The following NBAS variants were observed in gnomAD, a reference collection of about 807,000 sequenced individuals.
NBAS encodes the protein NBAS subunit of NRZ tethering complex, also known as NAG/BC035112 fusion.
Under a neutral mutation model 302.5 loss-of-function variants are expected in NBAS, and 219 were observed. The ratio of observed to expected loss-of-function variants is 0.72; its 90% CI spans 0.65 to 0.81. NBAS has a LOEUF of 0.81. Ranked by LOEUF, NBAS falls within the 30% of genes least tolerant of loss-of-function variation. The pLI is 0.00. For missense variants in NBAS, 2,932 were observed against 2,841.6 expected, an observed-to-expected ratio of 1.03 and a Z score of -0.72; for synonymous variants, 1,118 against 1,021.6, an observed-to-expected ratio of 1.09 and a Z score of -1.80.
intron 30 of NBAS, among the ~76,000 whole-genome samples, chr2:15,376,205 A>T (rs1674728173): frequency 6.6e-6 from 1 of 152,204 alleles, no homozygotes; most frequent in Non-Finnish European, 1.5e-5. Context: ...TATTTCCTGC[A>T]TTCAATATAA....
chr2:15,384,668 C>T (rs1381765112), intron 28 of NBAS, among the ~76,000 whole-genome samples: 1 of 151,948 alleles, frequency 6.6e-6, no homozygotes, highest in Non-Finnish European at 1.5e-5. Flanking sequence ...TACTGTAATT[C>T]TCTCTGCCTC....
chr2:15,283,461 G>C (rs1669910132), intron 42 of NBAS, among the ~76,000 whole-genome samples: 1 of 152,110 alleles, frequency 6.6e-6, no homozygotes, highest in East Asian at 1.9e-4. Flanking sequence ...CATGAGATCT[G>C]ATGGTTGTAT....
chr2:14,947,913 T>C, the NBAS span, among the ~76,000 whole-genome samples: 1 of 151,896 alleles, frequency 6.6e-6, no homozygotes, highest in South Asian at 2.1e-4. Flanking sequence ...TAATGTGATG[T>C]ATCATTATTA....
intron 40 of NBAS, among the ~76,000 whole-genome samples, chr2:15,306,421 G>A (rs1671037813): frequency 6.6e-6 from 1 of 152,168 alleles, no homozygotes; most frequent in South Asian, 2.1e-4. Context: ...ACACCCAATA[G>A]TGATGGTGTC....
chr2:15,258,787 A>G (rs1286615188), intron 44 of NBAS, among the ~76,000 whole-genome samples: 1 of 152,140 alleles, frequency 6.6e-6, no homozygotes, highest in East Asian at 1.9e-4. Context: ...TGTGATCTTT[A>G]TTGGCCTCAG....
intron 9 of NBAS, among the ~76,000 whole-genome samples, chr2:15,513,133 T>C (rs1483380421): frequency 6.6e-6 from 1 of 152,178 alleles, no homozygotes; most frequent in African/African-American, 2.4e-5. Context: ...ATAAAGTAAT[T>C]CAAATGCACT....
the NBAS span, among the ~76,000 whole-genome samples, chr2:14,849,088 C>A: frequency 4.0e-5 from 6 of 149,572 alleles, no homozygotes; most frequent in Admixed American, 6.7e-5. Flanking sequence ...ATGATTTTGA[C>A]GAGCTGAGAG....
intron 12 of NBAS, among the ~76,000 whole-genome samples, chr2:15,479,245 T>C (rs1328050459): frequency 6.6e-6 from 1 of 152,156 alleles, no homozygotes; most frequent in East Asian, 1.9e-4. Context: ...AGCCTACTTA[T>C]ATACCAAGGG....
At chr2:15,489,122 C>T (rs1264647280) in intron 11 of NBAS, 100 bp from the exon 12 acceptor site, 1 of 1,339,822 alleles carries the variant, frequency 7.5e-7, no homozygotes, top group Non-Finnish European at 1.1e-6. Flanking sequence ...TATAAATGAT[C>T]TTTAGTAATT....
chr2:14,884,174 A>G, the NBAS span, among the ~76,000 whole-genome samples: 1 of 152,038 alleles, frequency 6.6e-6, no homozygotes, highest in Non-Finnish European at 1.5e-5. Flanking sequence ...GGCAAGCTTC[A>G]TTTTGAGCGT....
chr2:15,182,225 T>G (rs2125123574), intron 50 of NBAS, among the ~76,000 whole-genome samples: 1 of 152,320 alleles, frequency 6.6e-6, no homozygotes, highest in Admixed American at 6.5e-5. Flanking sequence ...TGGACTGTGA[T>G]CTCTACCAGC....
chr2:14,976,070 A>G, the NBAS span, among the ~76,000 whole-genome samples: 1 of 152,218 alleles, frequency 6.6e-6, no homozygotes, highest in African/African-American at 2.4e-5. Context: ...CCTTGAAAGA[A>G]TACGGAGTGG....
chr2:15,162,559 A>G (rs938818785), downstream of NBAS, among the ~76,000 whole-genome samples: 4 of 152,208 alleles, frequency 2.6e-5, no homozygotes, highest in Non-Finnish European at 5.9e-5. Context: ...CCCGTCTCAC[A>G]GCTGTGAGCA....
At chr2:15,453,261 C>T (rs981734948) in intron 21 of NBAS, among the ~76,000 whole-genome samples, 9 of 152,130 alleles carry the variant, frequency 5.9e-5, no homozygotes, top group African/African-American at 1.9e-4. Flanking sequence ...AATAAAGTAC[C>T]AAAGCCATCA....
the NBAS span, among the ~76,000 whole-genome samples, chr2:15,048,513 T>C: frequency 6.6e-6 from 1 of 152,210 alleles, no homozygotes; most frequent in African/African-American, 2.4e-5. Flanking sequence ...GGGAAGACAC[T>C]GGGTCCTTCT....
the NBAS span, among the ~76,000 whole-genome samples, chr2:15,156,688 A>G: frequency 3.3e-5 from 5 of 152,162 alleles, no homozygotes; most frequent in Non-Finnish European, 7.4e-5. Context: ...GGAGTTAGAT[A>G]TCAACATATG....
the NBAS span, among the ~76,000 whole-genome samples, chr2:15,070,892 C>T: frequency 2.5e-3 from 384 of 152,278 alleles, 2 homozygotes; most frequent in African/African-American, 8.8e-3. Context: ...CACAGCAGCA[C>T]CTACATGGGC....
chr2:15,537,267 T>G (rs1481627763), intron 7 of NBAS, among the ~76,000 whole-genome samples: 1 of 152,214 alleles, frequency 6.6e-6, no homozygotes, highest in Non-Finnish European at 1.5e-5. Flanking sequence ...TTTGTGACAG[T>G]GCTCCTCAGT....
At chr2:15,241,514 G>A (rs1055758344) in intron 44 of NBAS, among the ~76,000 whole-genome samples, 1 of 152,120 alleles carries the variant, frequency 6.6e-6, no homozygotes, top group African/African-American at 2.4e-5. Flanking sequence ...GAAAAGTTGT[G>A]TTTAATATTT....
Sources: allele counts gnomAD v4.1 joint callset (sites outside exome capture counted in the v4.1 genomes callset), GRCh38; gene constraint gnomAD v4.1.1; transcripts MANE v1.5; gene names NCBI Gene and HGNC (gene_info 2026-07-23, HGNC 2026-07-21).